Variants in LPP observed in about 807,000 individuals in gnomAD.
LPP encodes LIM domain containing preferred translocation partner in lipoma, also known as lipoma-preferred partner.
A neutral mutation model predicts 60.4 loss-of-function variants in LPP; 38 were observed. The ratio of observed to expected loss-of-function variants is 0.63; its 90% CI spans 0.49 to 0.83. The LOEUF (loss-of-function observed/expected upper bound fraction) is 0.83, where lower values mean the gene tolerates loss of function less well. Ranked by LOEUF, LPP falls within the 40% of genes least tolerant of loss-of-function variation. LPP has a pLI of 0.00. For missense variants in LPP, 902 were observed against 783.6 expected, an observed-to-expected ratio of 1.15 and a Z score of -1.80; for synonymous variants, 328 against 290.8, an observed-to-expected ratio of 1.13 and a Z score of -1.30.
At chr3:188,850,877 A>G (rs1762529392) in intron 9 of LPP, among the ~76,000 whole-genome samples, 1 of 152,168 alleles carries the variant, frequency 6.6e-6, no homozygotes, top group Admixed American at 6.5e-5. Context: ...AGGTGACAGA[A>G]ATTTCTCATA....
intron 5 of LPP, among the ~76,000 whole-genome samples, chr3:188,502,685 A>G (rs1401597936): frequency 6.6e-6 from 1 of 152,184 alleles, no homozygotes; most frequent in African/African-American, 2.4e-5. Flanking sequence ...TCCCACTAAA[A>G]CTGTCTTAAG....
intron 6 of LPP, among the ~76,000 whole-genome samples, chr3:188,539,400 G>A (rs538998383): frequency 6.6e-6 from 1 of 152,278 alleles, no homozygotes; most frequent in Admixed American, 6.5e-5. Flanking sequence ...GGTGTTTGGT[G>A]GATAGGGAGT....
intron 9 of LPP, among the ~76,000 whole-genome samples, chr3:188,778,911 G>C (rs1738678098): frequency 1.3e-5 from 2 of 152,186 alleles, no homozygotes; most frequent in African/African-American, 4.8e-5. Flanking sequence ...CAAGCAAAGA[G>C]AAACTGTAAT....
intron 2 of LPP, among the ~76,000 whole-genome samples, chr3:188,284,323 G>A (rs1156971735): frequency 6.6e-6 from 1 of 152,132 alleles, no homozygotes; most frequent in Non-Finnish European, 1.5e-5. Context: ...GAGAATGAGA[G>A]ACAAGTTAGT....
At position 188,614,143 on chromosome 3, in the gene LPP, G is replaced by T. The variant is rs187428095; in HGVS notation, c.1113+4299G>T. 3.4e-3 allele frequency among the ~76,000 whole-genome samples: 521 copies of T among 152,058 alleles called. 2 individuals carry two copies. The highest frequency in any genetic ancestry group is 0.012 in the African/African-American group (489 of 41,452). On this transcript the variant is annotated intron_variant, in intron 7 of 11. Transcript: ENST00000617246. ...AGGGTTTCACCATGTTGGCCAGGCT[G>T]GTCTCAAACTCCTGACCTCACGTAA...
At chr3:188,351,188 G>A (rs1034809576) in intron 3 of LPP, among the ~76,000 whole-genome samples, 3 of 152,186 alleles carry the variant, frequency 2.0e-5, no homozygotes. Context: ...GTGCTCAGTA[G>A]AGAAGCAAAT....
chr3:188,570,037 G>C (rs200130680), intron 6 of LPP, among the ~76,000 whole-genome samples: 33 of 91,006 alleles, frequency 3.6e-4, no homozygotes, highest in African/African-American at 1.2e-3. Context: ...TTTTTTTTTT[G>C]AGTAGTCACA....
chr3:188,676,484 A>G (rs961647150), intron 7 of LPP, among the ~76,000 whole-genome samples: 21 of 151,728 alleles, frequency 1.4e-4, no homozygotes, highest in African/African-American at 4.8e-4. Context: ...CCCTGTGCAA[A>G]AATTATATTT....
chr3:188,552,691 G>A (rs189318113), intron 6 of LPP, among the ~76,000 whole-genome samples: 200 of 152,120 alleles, frequency 1.3e-3, no homozygotes, highest in African/African-American at 4.7e-3. Flanking sequence ...GCATTTCTCT[G>A]ACCACTCTTT....
intron 8 of LPP, among the ~76,000 whole-genome samples, chr3:188,738,455 A>C (rs370069422): frequency 6.6e-6 from 1 of 152,184 alleles, no homozygotes; most frequent in Admixed American, 6.5e-5. Context: ...CAGACAATGT[A>C]ACTGCAGAAA....
chr3:188,730,323 G>T (rs1214246533), intron 8 of LPP, among the ~76,000 whole-genome samples: 1 of 152,160 alleles, frequency 6.6e-6, no homozygotes, highest in East Asian at 1.9e-4. Flanking sequence ...ATTGAAACAG[G>T]AGTGTAAGCC....
chr3:188,496,528 A>G (rs1810279608), intron 5 of LPP, among the ~76,000 whole-genome samples: 1 of 152,196 alleles, frequency 6.6e-6, no homozygotes, highest in African/African-American at 2.4e-5. Context: ...TCCATCTTGT[A>G]TCAGTGAAGG....
intron 9 of LPP, among the ~76,000 whole-genome samples, chr3:188,828,441 C>T (rs1321396850): frequency 6.8e-6 from 1 of 146,502 alleles, no homozygotes; most frequent in Non-Finnish European, 1.5e-5. Context: ...CCAGTCTCTA[C>T]TAAAAATACA....
intron 6 of LPP, among the ~76,000 whole-genome samples, chr3:188,567,124 T>C (rs1267386628): frequency 2.0e-5 from 3 of 151,948 alleles, no homozygotes; most frequent in Admixed American, 1.3e-4. Context: ...ACTGGTTCAA[T>C]TGTATGATTT....
At chr3:188,469,158 C>T (rs993060669) in intron 4 of LPP, among the ~76,000 whole-genome samples, 5 of 152,054 alleles carry the variant, frequency 3.3e-5, no homozygotes, top group East Asian at 1.9e-4. Context: ...ATTCAAAAAC[C>T]GTTAAGTTCT....
chr3:188,574,577 C>CT lies in LPP; in HGVS notation c.430-34578dup, dbSNP rs575315961. On this transcript the variant is annotated intron_variant, in intron 6 of 11. Transcript: ENST00000617246. ...GCATTTAATCTTAGGACAACAGAAA[C>CT]TTTTTTGTGTGTGCATGTTCTTGCT... 1.7e-4 allele frequency among the ~76,000 whole-genome samples: 26 copies of CT among 152,260 alleles called. No individual in the cohort carries two copies. In the East Asian group the frequency reaches 4.5e-3, roughly 26 times the overall value.
intron 9 of LPP, among the ~76,000 whole-genome samples, chr3:188,823,682 C>T (rs1219601161): frequency 6.6e-6 from 1 of 152,070 alleles, no homozygotes; most frequent in Non-Finnish European, 1.5e-5. Context: ...CAGAGAATAA[C>T]AGAAGAAATA....
At chr3:188,852,136 T>A (rs1038179466) in intron 9 of LPP, among the ~76,000 whole-genome samples, 9 of 152,014 alleles carry the variant, frequency 5.9e-5, no homozygotes, top group African/African-American at 2.2e-4. Context: ...TGCACTCCAG[T>A]CTGGGGGACA....
At chr3:188,729,068 A>G (rs1019993291) in intron 8 of LPP, among the ~76,000 whole-genome samples, 1 of 152,200 alleles carries the variant, frequency 6.6e-6, no homozygotes, top group African/African-American at 2.4e-5. Context: ...CCCTAGGGAG[A>G]TTAAGAGGTG....
Sources: allele counts gnomAD v4.1 joint callset (sites outside exome capture counted in the v4.1 genomes callset), GRCh38; gene constraint gnomAD v4.1.1; transcripts MANE v1.5; gene names NCBI Gene and HGNC (gene_info 2026-07-23, HGNC 2026-07-21).